Variants in ARHGAP24 observed in about 807,000 individuals in gnomAD.
ARHGAP24 encodes the protein rho GTPase-activating protein 24.
Under a neutral mutation model 76.4 loss-of-function variants are expected in ARHGAP24, and 50 were observed. The ratio of observed to expected loss-of-function variants is 0.65; its 90% CI spans 0.52 to 0.83. The LOEUF is 0.83. Among genes scored for constraint, ARHGAP24 ranks in the 40% least tolerant of loss-of-function variants. The pLI is 0.00. For missense variants in ARHGAP24, 930 were observed against 914.2 expected (o/e 1.02, Z -0.22); for synonymous variants, 345 against 323.3 (o/e 1.07, Z -0.72).
intron 1 of ARHGAP24, among the ~76,000 whole-genome samples, chr4:85,552,172 T>G (rs1726166159): frequency 6.6e-6 from 1 of 152,180 alleles, no homozygotes; most frequent in South Asian, 2.1e-4. Context: ...ACTATAAACT[T>G]TCCTCTTAAC....
chr4:85,729,699 G>C (rs1725321285), intron 3 of ARHGAP24, among the ~76,000 whole-genome samples: 1 of 152,154 alleles, frequency 6.6e-6, no homozygotes, highest in Non-Finnish European at 1.5e-5. Flanking sequence ...CACTACAGTT[G>C]TTCAACTCTG....
intron 3 of ARHGAP24, among the ~76,000 whole-genome samples, chr4:85,802,424 A>G (rs562311156): frequency 2.0e-5 from 3 of 152,372 alleles, no homozygotes; most frequent in African/African-American, 4.8e-5. Context: ...CTTGTGACTC[A>G]ACTGAAGAGT....
intron 1 of ARHGAP24, among the ~76,000 whole-genome samples, chr4:85,539,558 A>G (rs1725600180): frequency 6.6e-6 from 1 of 152,222 alleles, no homozygotes; most frequent in Admixed American, 6.5e-5. Flanking sequence ...CTGTTATTAT[A>G]GAAAATAAAC....
Position 85,830,593 on chromosome 4 carries a change from C to T in ARHGAP24, c.269-93055C>T, listed in dbSNP as rs1729944203. 1.3e-5 allele frequency among the ~76,000 whole-genome samples: 2 copies of T among 152,178 alleles called. 1 individual carries two copies. Among genetic ancestry groups the T allele is most frequent in the African/African-American group, 4.8e-5 (2 of 41,428 alleles). On this transcript the variant is annotated intron_variant, in intron 3 of 9. Transcript: ENST00000395184. ...CATTTGTATGTCTCTTTACCTTGGC[C>T]ACTAAGTTCTATTTTGCCTACTAAC... is the stretch of plus-strand genomic sequence containing the variant.
In ARHGAP24 at chr4:85,995,065, A is replaced by G. The variant is rs1257715362; in HGVS notation, c.1411A>G (p.Lys471Glu). Reference protein sequence around the residue: ...RSSSLKVSGTKMGTHSVQNGT... With the variant: ...RSSSLKVSGTEMGTHSVQNGT... ...CTCTTCACTGAAGGTATCTGGTACC[A>G]AAATGGGCACGCACAGTGTACAGAA... The change falls in exon 9 of 10, where the codon AAA becomes GAA. Residue 471 changes from lysine to glutamate, a missense_variant. Coordinates refer to ENST00000395184, the MANE Select transcript of ARHGAP24 (RefSeq NM_001025616.3). The G allele has an allele frequency of 6.2e-7, 1 of 1,614,022 alleles. No homozygotes were observed. The highest frequency in any genetic ancestry group is 2.2e-5 in the East Asian group (1 of 44,868).
Position 85,763,380 on chromosome 4 carries a change from C to G in ARHGAP24, c.268+41408C>G, listed in dbSNP as rs140378354. 8.2e-3 allele frequency among the ~76,000 whole-genome samples: 1,244 copies of G among 152,190 alleles called. 18 individuals carry two copies. The highest frequency in any genetic ancestry group is 0.028 in the African/African-American group (1,172 of 41,518). ...TCTTGTATTTTCCAGGTAATAAAAC[C>G]TCTTAGTTTGGCATCTTGCAGGGAA... On this transcript the variant is annotated intron_variant, in intron 3 of 9. Coordinates refer to ENST00000395184, the MANE Select transcript of ARHGAP24 (RefSeq NM_001025616.3).
chr4:85,874,938 TAATATATTTTTATATAATTTATATATA>T (rs1732775800), intron 3 of ARHGAP24, among the ~76,000 whole-genome samples: 10 of 11,536 alleles, frequency 8.7e-4, no homozygotes, highest in African/African-American at 1.5e-3. Flanking sequence ...AATTTATATA[TAATATATTTTTATATAATTTATATATA>T]AATATATTTT....
At position 85,737,911 on chromosome 4, in the gene ARHGAP24, T is replaced by C. The variant is rs536294697; in HGVS notation, c.268+15939T>C. Among the ~76,000 whole-genome samples, 99 of 152,278 alleles carry C rather than the reference T, an allele frequency of 6.5e-4. 1 individual carries two copies. Among genetic ancestry groups the C allele is most frequent in the Non-Finnish European group, 1.2e-3 (83 of 68,024 alleles). ...ATATTAGTATTAAATTTTCTTGATT[T>C]TGTCAGTATAAGTAGGAATACCACT... On this transcript the variant is annotated intron_variant, in intron 3 of 9. Coordinates refer to ENST00000395184, the MANE Select transcript of ARHGAP24 (RefSeq NM_001025616.3).
At chr4:85,484,372 T>C (rs1722936740) in intron 1 of ARHGAP24, among the ~76,000 whole-genome samples, 1 of 152,138 alleles carries the variant, frequency 6.6e-6, no homozygotes, top group Non-Finnish European at 1.5e-5. Flanking sequence ...TTAATTGACA[T>C]ATTTGTTTTG....
chr4:85,841,988 G>A (rs17011074), intron 3 of ARHGAP24, among the ~76,000 whole-genome samples: 11,835 of 151,998 alleles, frequency 0.078, 817 homozygotes, highest in East Asian at 0.39. Context: ...AACCAAAATA[G>A]CAGAAATGTG....
intron 5 of ARHGAP24, among the ~76,000 whole-genome samples, chr4:85,969,583 G>A (rs1738839891): frequency 6.6e-6 from 1 of 152,106 alleles, no homozygotes; most frequent in Non-Finnish European, 1.5e-5. Context: ...GGTTAGAGTG[G>A]AATCAAAAGG....
chr4:85,491,828 T>A (rs1273554966), intron 1 of ARHGAP24, among the ~76,000 whole-genome samples: 1 of 152,174 alleles, frequency 6.6e-6, no homozygotes. Flanking sequence ...TTTCAGCTGC[T>A]TCATGTTCTG....
chr4:85,712,048 A>G (rs1226903493), intron 2 of ARHGAP24, among the ~76,000 whole-genome samples: 1 of 152,118 alleles, frequency 6.6e-6, no homozygotes, highest in African/African-American at 2.4e-5. Flanking sequence ...ATTGCCATAG[A>G]CTTTGCTTCA....
At chr4:85,485,928 G>A (rs943349921) in intron 1 of ARHGAP24, among the ~76,000 whole-genome samples, 3 of 151,792 alleles carry the variant, frequency 2.0e-5, no homozygotes, top group Non-Finnish European at 4.4e-5. Flanking sequence ...CAGTAGAGAC[G>A]GGGTTTCACC....
chr4:85,749,033 T>C (rs1726154533), intron 3 of ARHGAP24, among the ~76,000 whole-genome samples: 1 of 152,146 alleles, frequency 6.6e-6, no homozygotes, highest in African/African-American at 2.4e-5. Flanking sequence ...ACCGGATGGC[T>C]TTTTCTTAGC....
intron 3 of ARHGAP24, among the ~76,000 whole-genome samples, chr4:85,839,222 G>A (rs1413023298): frequency 1.3e-5 from 2 of 152,184 alleles, no homozygotes; most frequent in African/African-American, 4.8e-5. Flanking sequence ...TTGTAAGTAT[G>A]TGCGGCTTAA....
chr4:85,978,162 A>T (rs1322589040), intron 8 of ARHGAP24, among the ~76,000 whole-genome samples: 1 of 152,218 alleles, frequency 6.6e-6, no homozygotes, highest in African/African-American at 2.4e-5. Flanking sequence ...TTCAAATTAC[A>T]AAGTGTCTCA....
At chr4:85,843,249 A>G (rs754974322) in intron 3 of ARHGAP24, among the ~76,000 whole-genome samples, 2 of 152,142 alleles carry the variant, frequency 1.3e-5, no homozygotes, top group Non-Finnish European at 2.9e-5. Context: ...TTGTTTCTGT[A>G]TGTCTAATAA....
Position 85,859,212 on chromosome 4 carries a change from TACAC to T in ARHGAP24, c.269-64408_269-64405del, listed in dbSNP as rs10645010. On this transcript the variant is annotated intron_variant, in intron 3 of 9. Coordinates refer to ENST00000395184, the MANE Select transcript of ARHGAP24 (RefSeq NM_001025616.3). ...ATACACACATACATAGCCACATGCA[TACAC>T]ACACACACACACACACACACACACA... Among the ~76,000 whole-genome samples, 741 of 145,520 alleles carry T rather than the reference TACAC, an allele frequency of 5.1e-3. 8 individuals carry two copies. Among genetic ancestry groups the T allele is most frequent in the African/African-American group, 0.017 (690 of 39,520 alleles).
Sources: allele counts gnomAD v4.1 joint callset (sites outside exome capture counted in the v4.1 genomes callset), GRCh38; gene constraint gnomAD v4.1.1; transcripts MANE v1.5; gene names NCBI Gene and HGNC (gene_info 2026-07-23, HGNC 2026-07-21).